The following GRIK1 variants were observed in gnomAD, a reference collection of about 807,000 sequenced individuals.
The protein encoded by GRIK1 is glutamate ionotropic receptor kainate type subunit 1, also known as glutamate receptor ionotropic, kainate 1.
Under a neutral mutation model 105.7 loss-of-function variants are expected in GRIK1, and 69 were observed. The observed-to-expected ratio is 0.65, with a 90% confidence interval of 0.54 to 0.80. The LOEUF is 0.80. GRIK1 is among the 30% of genes least tolerant of loss of function. The pLI, the probability that GRIK1 is intolerant of heterozygous loss-of-function variation, is 0.00. For synonymous variants in GRIK1, 438 were observed against 431.3 expected, an observed-to-expected ratio of 1.02 and a Z score of -0.19; for missense variants, 1,109 against 1,167.3, an observed-to-expected ratio of 0.95 and a Z score of 0.73.
chr21:29,606,364 C>T (rs1051953278), intron 7 of GRIK1, among the ~76,000 whole-genome samples: 2 of 151,974 alleles, frequency 1.3e-5, no homozygotes, highest in Non-Finnish European at 2.9e-5. Context: ...GGTGGTTTGC[C>T]ACACATATCC....
chr21:29,601,244 T>G (rs1308477541), intron 7 of GRIK1: 1 of 510,004 alleles, frequency 2.0e-6, no homozygotes, highest in African/African-American at 1.9e-5. Flanking sequence ...AACAGCGGCC[T>G]TCACCTGTTC....
chr21:29,608,731 G>T lies in GRIK1; in HGVS notation c.1099-9794C>A, dbSNP rs577341530. ...AAACTACAGTCTGGAAATAGCCTTTGTCAGAGAATGGCAGTATCAGAGCCT... is the reference window on the plus strand; with the variant it reads ...AAACTACAGTCTGGAAATAGCCTTTTTCAGAGAATGGCAGTATCAGAGCCT... On this transcript the variant is annotated intron_variant, in intron 7 of 17. Transcript: ENST00000327783. Among the ~76,000 whole-genome samples the T allele has an allele frequency of 5.7e-4, 87 of 152,210 alleles. 1 individual carries two copies. The highest frequency in any genetic ancestry group is 1.6e-3 in the Admixed American group (24 of 15,290).
intron 1 of GRIK1, among the ~76,000 whole-genome samples, chr21:29,714,350 G>A (rs1848896044): frequency 6.6e-6 from 1 of 152,074 alleles, no homozygotes; most frequent in Admixed American, 6.6e-5. Context: ...AGTGTAATTT[G>A]TGTGAATCAC....
intron 1 of GRIK1, among the ~76,000 whole-genome samples, chr21:29,895,669 T>G (rs993212796): frequency 6.6e-6 from 1 of 152,190 alleles, no homozygotes; most frequent in Admixed American, 6.5e-5. Context: ...ATAGCACTTG[T>G]TGCAGTGTAT....
chr21:29,884,550 G>A lies in GRIK1; in HGVS notation c.118+54833C>T, dbSNP rs1044145395. Among the ~76,000 whole-genome samples, 131 of 151,954 alleles carry A rather than the reference G, an allele frequency of 8.6e-4. 1 individual carries two copies. Among genetic ancestry groups the A allele is most frequent in the African/African-American group, 2.9e-3 (122 of 41,384 alleles). On this transcript the variant is annotated intron_variant, in intron 1 of 17. Transcript: ENST00000327783. ...GATGGCCATGTTCATCTCTCAGTTT[G>A]CCATTTGATGACGTAAAACATAAGA...
At chr21:29,781,386 T>A (rs2066094195) in intron 1 of GRIK1, among the ~76,000 whole-genome samples, 1 of 152,134 alleles carries the variant, frequency 6.6e-6, no homozygotes, top group Non-Finnish European at 1.5e-5. Context: ...TTATATAACT[T>A]TCATGGCCTA....
chr21:29,769,792 C>G (rs1384886360), intron 1 of GRIK1, among the ~76,000 whole-genome samples: 1 of 152,124 alleles, frequency 6.6e-6, no homozygotes, highest in Non-Finnish European at 1.5e-5. Context: ...TCCCTTACGG[C>G]CCTCAGGAGC....
chr21:29,808,423 A>G (rs1040526188), intron 1 of GRIK1, among the ~76,000 whole-genome samples: 1 of 152,212 alleles, frequency 6.6e-6, no homozygotes, highest in Non-Finnish European at 1.5e-5. Flanking sequence ...ACCAACTGGC[A>G]TCATCAAGAC....
At chr21:29,874,999 G>GC (rs2069142178) in intron 1 of GRIK1, among the ~76,000 whole-genome samples, 2 of 43,460 alleles carry the variant, frequency 4.6e-5, no homozygotes, top group South Asian at 2.5e-3. Context: ...AATAGTTTCA[G>GC]GGTTTTTTTT....
intron 1 of GRIK1, among the ~76,000 whole-genome samples, chr21:29,797,723 G>T (rs2066596938): frequency 6.6e-6 from 1 of 152,136 alleles, no homozygotes; most frequent in African/African-American, 2.4e-5. Flanking sequence ...CCATTTAAAA[G>T]TTGTAGAGTT....
At chr21:29,548,620 T>C (rs1054585647) in intron 16 of GRIK1, among the ~76,000 whole-genome samples, 1 of 152,234 alleles carries the variant, frequency 6.6e-6, no homozygotes, top group Non-Finnish European at 1.5e-5. Flanking sequence ...ACTCTCTAAA[T>C]TGCTTACTAG....
chr21:29,769,434 G>A (rs1247025816), intron 1 of GRIK1, among the ~76,000 whole-genome samples: 7 of 152,150 alleles, frequency 4.6e-5, no homozygotes, highest in Admixed American at 4.6e-4. Flanking sequence ...TCCAAGGACT[G>A]GAGGTGAGGG....
At chr21:29,597,189 A>G (rs1201013684) in intron 8 of GRIK1, among the ~76,000 whole-genome samples, 2 of 152,204 alleles carry the variant, frequency 1.3e-5, no homozygotes, top group Admixed American at 6.5e-5. Context: ...TCATTGCCTT[A>G]AGGCCCAATC....
intron 1 of GRIK1, among the ~76,000 whole-genome samples, chr21:29,920,872 A>G (rs1315871995): frequency 1.3e-5 from 2 of 152,014 alleles, no homozygotes; most frequent in South Asian, 4.2e-4. Flanking sequence ...CTCCTGATTC[A>G]TGGCAAAACA....
rs769147427 is a variant in GRIK1, at chr21:29,673,180, C to T, written c.545-16G>A. On this transcript the variant is annotated splice_polypyrimidine_tract_variant and intron_variant, in intron 3 of 17. Coordinates refer to ENST00000327783, the MANE Select transcript of GRIK1 (RefSeq NM_001330994.2). ...CGAATTAGACCTAGAAAATGACATG[C>T]AATCATGCAATGGAGACTGTTCTGT... 22 of 1,538,590 alleles carry T rather than the reference C, an allele frequency of 1.4e-5. No homozygotes were observed. The Middle Eastern group carries it at 5.1e-4, about 36-fold the overall frequency.
At chr21:29,624,537 T>C (rs1370685214) in intron 7 of GRIK1, among the ~76,000 whole-genome samples, 1 of 152,220 alleles carries the variant, frequency 6.6e-6, no homozygotes, top group Admixed American at 6.5e-5. Context: ...CTAACATTTA[T>C]AACCAAAAGG....
At chr21:29,751,836 A>T (rs181428158) in intron 1 of GRIK1, among the ~76,000 whole-genome samples, 1 of 152,274 alleles carries the variant, frequency 6.6e-6, no homozygotes, top group African/African-American at 2.4e-5. Flanking sequence ...GATTGTTCCC[A>T]TTATTTGCCA....
chr21:29,621,977 G>A (rs992164557), intron 7 of GRIK1, among the ~76,000 whole-genome samples: 4 of 149,878 alleles, frequency 2.7e-5, no homozygotes, highest in East Asian at 2.0e-4. Context: ...TTGGAGTTTC[G>A]CTCTTGTTGC....
At chr21:29,540,295 C>T (rs2089948273) in intron 16 of GRIK1, among the ~76,000 whole-genome samples, 1 of 152,176 alleles carries the variant, frequency 6.6e-6, no homozygotes, top group Admixed American at 6.5e-5. Flanking sequence ...TTTCTTGCTG[C>T]TTGTGTGAGA....
Sources: allele counts gnomAD v4.1 joint callset (sites outside exome capture counted in the v4.1 genomes callset), GRCh38; gene constraint gnomAD v4.1.1; transcripts MANE v1.5; gene names NCBI Gene and HGNC (gene_info 2026-07-23, HGNC 2026-07-21).